BNC2: variants seen among roughly 807,000 people sequenced by gnomAD.
BNC2 encodes the protein basonuclin zinc finger protein 2, also known as zinc finger protein basonuclin-2.
In BNC2, 20 loss-of-function variants were observed where a neutral mutation model predicts 76.3. That is an observed-to-expected ratio of 0.26 (90% confidence interval 0.18 to 0.38). The LOEUF is 0.38. Among genes scored for constraint, BNC2 ranks in the 10% least tolerant of loss-of-function variants. BNC2 has a pLI of 1.00. For synonymous variants in BNC2, 582 were observed against 514.8 expected, an observed-to-expected ratio of 1.13 and a Z score of -1.77; for missense variants, 1,382 against 1,399.8, an observed-to-expected ratio of 0.99 and a Z score of 0.20.
At chr9:16,422,399 C>A (rs1225534971) in intron 6 of BNC2, among the ~76,000 whole-genome samples, 1 of 152,156 alleles carries the variant, frequency 6.6e-6, no homozygotes, top group Non-Finnish European at 1.5e-5. Flanking sequence ...TCAATTGATT[C>A]AGGTGTAATG....
At chr9:16,628,009 A>G (rs991805678) in intron 3 of BNC2, among the ~76,000 whole-genome samples, 1 of 152,176 alleles carries the variant, frequency 6.6e-6, no homozygotes, top group Non-Finnish European at 1.5e-5. Flanking sequence ...GTTCAGGCCA[A>G]TCCTTAAGAA....
At chr9:16,634,701 T>C (rs997077904) in intron 3 of BNC2, among the ~76,000 whole-genome samples, 13 of 151,846 alleles carry the variant, frequency 8.6e-5, no homozygotes, top group East Asian at 3.9e-4. Flanking sequence ...TGGGGTTTCA[T>C]TGTGTTAGCC....
intron 2 of BNC2, among the ~76,000 whole-genome samples, chr9:16,729,935 G>C (rs936572334): frequency 2.0e-5 from 3 of 152,046 alleles, no homozygotes; most frequent in Non-Finnish European, 4.4e-5. Context: ...AGGCTCTGTT[G>C]TATCGCTTTG....
intron 1 of BNC2, among the ~76,000 whole-genome samples, chr9:16,849,279 C>G (rs1480668437): frequency 6.6e-6 from 1 of 150,794 alleles, no homozygotes; most frequent in Admixed American, 6.6e-5. Flanking sequence ...ACAAAGCAGA[C>G]TGAATTTTCA....
chr9:16,837,125 T>G (rs939597791), intron 1 of BNC2, among the ~76,000 whole-genome samples: 1 of 152,212 alleles, frequency 6.6e-6, no homozygotes, highest in Admixed American at 6.5e-5. Flanking sequence ...AAATGCTATC[T>G]TTTCATGTTT....
intron 1 of BNC2, among the ~76,000 whole-genome samples, chr9:16,777,544 C>CA (rs1239425045): frequency 2.0e-5 from 3 of 151,706 alleles, no homozygotes; most frequent in African/African-American, 7.2e-5. Flanking sequence ...ACTAAAAATA[C>CA]AAAAAAATTA....
chr9:16,754,879 T>C (rs1825335135), intron 1 of BNC2, among the ~76,000 whole-genome samples: 1 of 152,174 alleles, frequency 6.6e-6, no homozygotes, highest in Non-Finnish European at 1.5e-5. Context: ...GTTTTCAATA[T>C]GCAGCAACTG....
At chr9:16,633,719 C>T (rs1030559494) in intron 3 of BNC2, among the ~76,000 whole-genome samples, 2 of 152,062 alleles carry the variant, frequency 1.3e-5, no homozygotes, top group African/African-American at 4.8e-5. Context: ...ACAATGTTTC[C>T]TATTCAGATC....
intron 5 of BNC2, among the ~76,000 whole-genome samples, chr9:16,471,274 G>C (rs980434175): frequency 6.6e-6 from 1 of 151,248 alleles, no homozygotes; most frequent in Non-Finnish European, 1.5e-5. Context: ...TATCTGGGAA[G>C]TAACTAGCTT....
chr9:16,819,205 T>C (rs1473264488), intron 1 of BNC2, among the ~76,000 whole-genome samples: 3 of 152,190 alleles, frequency 2.0e-5, no homozygotes, highest in Admixed American at 6.5e-5. Flanking sequence ...ATAGTAGAGA[T>C]GGTATTTGAC....
intron 1 of BNC2, among the ~76,000 whole-genome samples, chr9:16,790,575 C>T (rs373714953): frequency 3.3e-5 from 5 of 152,164 alleles, no homozygotes; most frequent in South Asian, 2.1e-4. Context: ...GGTATACTTC[C>T]TTCTAAGTTC....
intron 3 of BNC2, among the ~76,000 whole-genome samples, chr9:16,717,577 T>C (rs1824027855): frequency 1.3e-5 from 2 of 152,230 alleles, no homozygotes; most frequent in South Asian, 4.1e-4. Context: ...ACTGCAAATA[T>C]GTAAAGCAGT....
chr9:16,787,616 C>A (rs954128703), intron 1 of BNC2, among the ~76,000 whole-genome samples: 2 of 152,154 alleles, frequency 1.3e-5, no homozygotes, highest in South Asian at 4.1e-4. Context: ...ATATCCGGTA[C>A]CTTTTGAGTG....
intron 5 of BNC2, among the ~76,000 whole-genome samples, chr9:16,501,703 G>C (rs1246113157): frequency 6.6e-6 from 1 of 152,144 alleles, no homozygotes. Flanking sequence ...AAAACTCTCT[G>C]TCCACAATTG....
chr9:16,650,701 T>A (rs1243760637), intron 3 of BNC2, among the ~76,000 whole-genome samples: 1 of 152,188 alleles, frequency 6.6e-6, no homozygotes, highest in African/African-American at 2.4e-5. Context: ...CAGTATAGCA[T>A]AATCAATTGC....
intron 5 of BNC2, among the ~76,000 whole-genome samples, chr9:16,498,125 T>C (rs35380246): frequency 0.24 from 31,168 of 128,294 alleles, 4,938 homozygotes; most frequent in African/African-American, 0.4. Context: ...GTATATATTC[T>C]ATCATATATA....
At chr9:16,566,299 T>C (rs1404963843) in intron 4 of BNC2, among the ~76,000 whole-genome samples, 1 of 152,158 alleles carries the variant, frequency 6.6e-6, no homozygotes, top group Non-Finnish European at 1.5e-5. Flanking sequence ...GTGTATATAA[T>C]AGAATAAAAA....
rs1820611018 is a variant in BNC2, at chr9:16,417,534, C to CA, written c.*1454_*1455insT. ...CACATGTTTTCAAAGCTTCCAAGTA[C>CA]TGCTGCTGTTAAATGCCTTTTGATT... On this transcript the variant is annotated 3_prime_UTR_variant, in exon 7 of 7. Coordinates refer to ENST00000380672, the MANE Select transcript of BNC2 (RefSeq NM_017637.6). 2.0e-5 allele frequency: 3 copies of CA among 152,214 alleles called. No homozygotes were observed. Among genetic ancestry groups the CA allele is most frequent in the South Asian group, 4.1e-4 (2 of 4,824 alleles). 9.4% of individuals were successfully genotyped at this position (152,214 alleles called of 1,614,324 possible).
At chr9:16,579,443 G>A (rs1053832319) in intron 4 of BNC2, among the ~76,000 whole-genome samples, 3 of 151,714 alleles carry the variant, frequency 2.0e-5, no homozygotes, top group Non-Finnish European at 2.9e-5. Context: ...CAAACACACC[G>A]GACTAATTTT....
Sources: allele counts gnomAD v4.1 joint callset (sites outside exome capture counted in the v4.1 genomes callset), GRCh38; gene constraint gnomAD v4.1.1; transcripts MANE v1.5; gene names NCBI Gene and HGNC (gene_info 2026-07-23, HGNC 2026-07-21).